The following SEZ6L variants were observed in gnomAD, a reference collection of about 807,000 sequenced individuals.
The protein encoded by SEZ6L is seizure related 6 homolog like.
A neutral mutation model predicts 106.2 loss-of-function variants in SEZ6L; 37 were observed. The observed-to-expected ratio is 0.35, with a 90% CI of 0.27 to 0.46. The LOEUF is 0.46. Among genes scored for constraint, SEZ6L ranks in the 20% least tolerant of loss-of-function variants. SEZ6L has a pLI of 1.00. For synonymous variants in SEZ6L, 541 were observed against 570.4 expected, an observed-to-expected ratio of 0.95 and a Z score of 0.73; for missense variants, 1,172 against 1,332.8, an observed-to-expected ratio of 0.88 and a Z score of 1.88.
intron 1 of SEZ6L, among the ~76,000 whole-genome samples, chr22:26,292,077 TGAA>T (rs1383726822): frequency 2.3e-5 from 2 of 86,740 alleles, no homozygotes; most frequent in Admixed American, 2.9e-4. Flanking sequence ...AGGAAGAAAA[TGAA>T]GGAGGAAGGA....
intron 1 of SEZ6L, among the ~76,000 whole-genome samples, chr22:26,259,078 G>T (rs556462203): frequency 1.3e-5 from 2 of 152,306 alleles, no homozygotes; most frequent in East Asian, 3.9e-4. Flanking sequence ...ACAAAATTTT[G>T]TGATTGACTG....
chr22:26,324,276 C>A (rs868564901), intron 9 of SEZ6L, among the ~76,000 whole-genome samples: 2 of 152,176 alleles, frequency 1.3e-5, no homozygotes, highest in African/African-American at 4.8e-5. Context: ...CAGGCTCCAG[C>A]GTGCCTTCCT....
intron 1 of SEZ6L, among the ~76,000 whole-genome samples, chr22:26,289,846 G>A (rs892905265): frequency 5.3e-5 from 8 of 152,202 alleles, no homozygotes; most frequent in Non-Finnish European, 1.0e-4. Flanking sequence ...GCAGAAAATC[G>A]ACAAGGACAG....
chr22:26,227,239 G>A (rs2078661165), intron 1 of SEZ6L, among the ~76,000 whole-genome samples: 1 of 152,190 alleles, frequency 6.6e-6, no homozygotes, highest in South Asian at 2.1e-4. Context: ...GCTGAAGGCT[G>A]TGTGGCCGCT....
chr22:26,264,726 CA>C (rs2080122516), intron 1 of SEZ6L, among the ~76,000 whole-genome samples: 1 of 152,184 alleles, frequency 6.6e-6, no homozygotes, highest in Non-Finnish European at 1.5e-5. Flanking sequence ...GACCATGTTC[CA>C]GTGAAACTTA....
chr22:26,369,338 G>GTCCTTTTTTTTTTTTTTTTTTTTTTTT (rs2083927308), intron 13 of SEZ6L, among the ~76,000 whole-genome samples: 2 of 83,618 alleles, frequency 2.4e-5, no homozygotes, highest in African/African-American at 1.5e-4. Context: ...TATATAAGCA[G>GTCCTTTTTTTTTTTTTTTTTTTTTTTT]TTCTTTTGTT....
intron 9 of SEZ6L, among the ~76,000 whole-genome samples, chr22:26,329,024 G>A (rs1191624210): frequency 6.6e-6 from 1 of 152,124 alleles, no homozygotes; most frequent in Non-Finnish European, 1.5e-5. Flanking sequence ...TTAAACCTCC[G>A]CGGGGATTCT....
intron 5 of SEZ6L, 110 bp from the exon 6 acceptor site, chr22:26,305,869 G>C (rs2081612636): frequency 8.3e-7 from 1 of 1,208,138 alleles, no homozygotes; most frequent in Non-Finnish European, 1.2e-6. Context: ...GATCAGGGGA[G>C]AATGAAACAC....
At chr22:26,228,922 T>C (rs539862708) in intron 1 of SEZ6L, among the ~76,000 whole-genome samples, 15 of 152,356 alleles carry the variant, frequency 9.8e-5, no homozygotes, top group African/African-American at 3.4e-4. Flanking sequence ...GAGGATGCTC[T>C]TGAGGGATTA....
rs996288290 is a variant in SEZ6L at position 26,292,645 on chromosome 22, G to A, written c.334G>A (p.Ala112Thr). 6.8e-6 allele frequency: 11 copies of A among 1,612,890 alleles called. No individual in the cohort carries two copies. The highest frequency in any genetic ancestry group is 5.3e-5 in the African/African-American group (4 of 74,870). Residue 112 changes from alanine (A) to threonine (T), a missense_variant, in exon 2 of 17, where the codon GCC (alanine) becomes ACC (threonine). By Grantham distance (58) the Ala-to-Thr change is moderately conservative. Coordinates refer to ENST00000248933, the MANE Select transcript of SEZ6L (RefSeq NM_021115.5). Reference protein sequence around the residue: ...LLPEEARPKHALPPKKKLPSL... With the variant: ...LLPEEARPKHTLPPKKKLPSL... ...TCCAGAGGAGGCCCGCCCCAAGCAC[G>A]CCTTGCCCCCCAAGAAGAAACTGCC...
intron 11 of SEZ6L, among the ~76,000 whole-genome samples, chr22:26,350,797 C>T (rs1486085740): frequency 1.3e-5 from 2 of 151,876 alleles, no homozygotes; most frequent in East Asian, 3.9e-4. Flanking sequence ...GCTGGGAGTA[C>T]AGGCGCCCAC....
intron 1 of SEZ6L, among the ~76,000 whole-genome samples, chr22:26,274,032 G>A (rs1347094464): frequency 2.0e-5 from 3 of 152,066 alleles, no homozygotes; most frequent in Non-Finnish European, 4.4e-5. Flanking sequence ...TTGTACCTTA[G>A]GATCACCCAT....
chr22:26,177,409 G>A (rs186701877), intron 1 of SEZ6L, among the ~76,000 whole-genome samples: 4 of 152,288 alleles, frequency 2.6e-5, no homozygotes, highest in Non-Finnish European at 4.4e-5. Flanking sequence ...CCATTCATCG[G>A]GTCCTCACTA....
chr22:26,292,083 A>G (rs978342521), intron 1 of SEZ6L, among the ~76,000 whole-genome samples: 1 of 150,402 alleles, frequency 6.6e-6, no homozygotes, highest in African/African-American at 2.4e-5. Flanking sequence ...AAAATGAAGG[A>G]GGAAGGAAGA....
rs376866700 is a variant in SEZ6L at position 26,310,675 on chromosome 22, C to T, written c.1520C>T (p.Thr507Met). ...RLLLHDKDRM[T>M]VHSGQTNKSA... ...CTCTCTGCTCCCACTGCCAGGATGA[C>T]GGTTCACAGCGGGCAGACCAACAAG... Residue 507 changes from threonine (T) to methionine (M), a missense_variant, in exon 7 of 17, where the codon ACG becomes ATG. Transcript: ENST00000248933. 3.7e-5 allele frequency: 59 copies of T among 1,613,922 alleles called. No homozygotes were observed. In the African/African-American group the frequency reaches 5.9e-4, roughly 16 times the overall value.
At chr22:26,348,667 A>AAAGG (rs2083134224) in intron 11 of SEZ6L, among the ~76,000 whole-genome samples, 1 of 65,686 alleles carries the variant, frequency 1.5e-5, no homozygotes, top group East Asian at 3.9e-4. Context: ...AGAAAGAAAG[A>AAAGG]AAGAAAGAAA....
In SEZ6L at chr22:26,302,930, C is replaced by T. The variant is rs151195298; in HGVS notation, c.1349-3049C>T. On this transcript the variant is annotated intron_variant, in intron 5 of 16. Transcript: ENST00000248933. ...GGACAGTGTCCTCCATTTCTCAGCT[C>T]CTGAGCCACAGGGCAATAGAGCTGG... 7.2e-3 allele frequency among the ~76,000 whole-genome samples: 1,102 copies of T among 152,308 alleles called. 12 individuals carry two copies. The highest frequency in any genetic ancestry group is 0.059 in the East Asian group (306 of 5,180).
intron 1 of SEZ6L, among the ~76,000 whole-genome samples, chr22:26,173,318 T>C (rs1473050117): frequency 2.0e-5 from 3 of 152,212 alleles, no homozygotes; most frequent in Non-Finnish European, 2.9e-5. Context: ...GGTGTAAATA[T>C]TGGGATAATT....
chr22:26,256,968 A>G (rs2079842621), intron 1 of SEZ6L, among the ~76,000 whole-genome samples: 1 of 152,106 alleles, frequency 6.6e-6, no homozygotes, highest in Non-Finnish European at 1.5e-5. Flanking sequence ...GAGCATGATC[A>G]TCAGAGCCAC....
Sources: gnomAD v4.1 joint callset for allele counts (sites outside exome capture counted in the v4.1 genomes callset) on GRCh38, gnomAD v4.1.1 for gene constraint, MANE v1.5 for transcripts, NCBI Gene and HGNC (gene_info 2026-07-23, HGNC 2026-07-21) for gene names.